The following NRP1 variants were observed in gnomAD, a reference collection of about 807,000 sequenced individuals.
NRP1 encodes the protein neuropilin-1.
Under a neutral mutation model 106.7 loss-of-function variants are expected in NRP1, and 35 were observed. The ratio of observed to expected loss-of-function variants is 0.33; its 90% CI spans 0.25 to 0.43. The LOEUF is 0.43. NRP1 is among the 20% of genes least tolerant of loss of function. The pLI is 1.00. For synonymous variants in NRP1, 437 were observed against 417.9 expected (o/e 1.05, Z -0.56); for missense variants, 1,024 against 1,170.4 (o/e 0.87, Z 1.83).
intron 6 of NRP1, among the ~76,000 whole-genome samples, chr10:33,246,467 A>G (rs1841432919): frequency 1.3e-5 from 2 of 152,196 alleles, no homozygotes; most frequent in Admixed American, 6.5e-5. Context: ...ATAGAAGTCA[A>G]TGCAGAATCA....
chr10:33,226,190 C>G lies in NRP1; in HGVS notation c.1081G>C (p.Asp361His), dbSNP rs756440174. Residue 361 changes from aspartate to histidine, a missense_variant, in exon 7 of 17, where the codon GAC (aspartate) becomes CAC (histidine). By Grantham distance (81) the Asp-to-His change is moderately conservative. Coordinates refer to ENST00000374867, the MANE Select transcript of NRP1 (RefSeq NM_003873.7). ...KKYYVKTYKI[D>H]VSSNGEDWIT... ...CAGTCTTCCCCGTTGGAGCTAACGT[C>G]GATCTTGTAAGTCTTGACATAATAT... 1 of 1,614,186 alleles carries G rather than the reference C, an allele frequency of 6.2e-7. No homozygotes were observed. The highest frequency in any genetic ancestry group is 1.7e-5 in the Admixed American group (1 of 60,020).
At chr10:33,266,696 T>C (rs2133266618) in intron 3 of NRP1, among the ~76,000 whole-genome samples, 1 of 152,118 alleles carries the variant, frequency 6.6e-6, no homozygotes, top group Non-Finnish European at 1.5e-5. Flanking sequence ...TCCCCAATGG[T>C]GGAGGTGGGG....
intron 13 of NRP1, among the ~76,000 whole-genome samples, chr10:33,187,829 C>T (rs551320184): frequency 8.2e-4 from 125 of 152,292 alleles, no homozygotes; most frequent in Admixed American, 4.2e-3. Flanking sequence ...TACTCCTTTC[C>T]GCTTGCCTGT....
At chr10:33,313,602 C>T (rs1846773234) in intron 2 of NRP1, among the ~76,000 whole-genome samples, 1 of 152,088 alleles carries the variant, frequency 6.6e-6, no homozygotes, top group South Asian at 2.1e-4. Context: ...GACAAAAGTG[C>T]TTAAAGAGAA....
Position 33,263,854 on chromosome 10 carries a change from G to T in NRP1, c.450C>A (p.Asn150Lys). ...IFKRGPECSQ[N>K]YTTPSGVIKS... ...TTATCACTCCACTAGGTGTTGTGTA[G>T]TTCTGGGAACATTCAGGACCTATGA... Residue 150 changes from asparagine to lysine, a missense_variant, in exon 4 of 17, where the codon AAC (asparagine) becomes AAA (lysine). Physicochemically the swap from Asn to Lys is moderately conservative, Grantham distance 94. This residue lies in a region of NRP1 where 279 missense variants were observed against 327.4 expected (regional missense o/e 0.85). Transcript: ENST00000374867. The T allele has an allele frequency of 6.8e-6, 11 of 1,612,082 alleles. No homozygotes were observed. The highest frequency in any genetic ancestry group is 9.3e-6 in the Non-Finnish European group (11 of 1,178,152).
At chr10:33,229,211 A>G (rs1403472202) in intron 6 of NRP1, among the ~76,000 whole-genome samples, 2 of 152,202 alleles carry the variant, frequency 1.3e-5, no homozygotes, top group Non-Finnish European at 2.9e-5. Flanking sequence ...TTCTGTATCT[A>G]TGTTATCTGA....
At chr10:33,290,561 A>T (rs1004432426) in intron 2 of NRP1, among the ~76,000 whole-genome samples, 8 of 152,138 alleles carry the variant, frequency 5.3e-5, no homozygotes, top group Admixed American at 3.9e-4. Flanking sequence ...TTTAAAGTCA[A>T]ACTCAGTGCC....
chr10:33,285,372 A>G (rs549367491), intron 2 of NRP1, among the ~76,000 whole-genome samples: 1 of 152,346 alleles, frequency 6.6e-6, no homozygotes, highest in Middle Eastern at 3.4e-3. Flanking sequence ...GAGTGGAACA[A>G]TATTTCAGAT....
intron 13 of NRP1, among the ~76,000 whole-genome samples, chr10:33,188,811 G>A (rs1280896242): frequency 6.6e-6 from 1 of 150,588 alleles, no homozygotes; most frequent in Admixed American, 6.6e-5. Context: ...TACTTAGGAG[G>A]CTGAGACAGG....
At chr10:33,180,595 G>A (rs913351056) in intron 16 of NRP1, among the ~76,000 whole-genome samples, 1 of 152,186 alleles carries the variant, frequency 6.6e-6, no homozygotes, top group Non-Finnish European at 1.5e-5. Context: ...GATCAACTGG[G>A]AGGTTCCTTG....
At chr10:33,188,339 C>T (rs1836155257) in intron 13 of NRP1, among the ~76,000 whole-genome samples, 1 of 152,104 alleles carries the variant, frequency 6.6e-6, no homozygotes, top group Non-Finnish European at 1.5e-5. Context: ...GGATGCTCTC[C>T]CATAGGACAT....
At chr10:33,333,770 T>C (rs1848439425) in intron 1 of NRP1, among the ~76,000 whole-genome samples, 1 of 152,212 alleles carries the variant, frequency 6.6e-6, no homozygotes, top group South Asian at 2.1e-4. Flanking sequence ...CAGATTCCTG[T>C]ATTGATACTA....
chr10:33,275,494 G>A (rs551537753), intron 2 of NRP1, among the ~76,000 whole-genome samples: 113 of 152,288 alleles, frequency 7.4e-4, no homozygotes, highest in Admixed American at 4.8e-3. Context: ...CTTGAACCTG[G>A]GAGGTGGAGG....
At chr10:33,302,843 GT>G (rs922048565) in intron 2 of NRP1, among the ~76,000 whole-genome samples, 2 of 152,162 alleles carry the variant, frequency 1.3e-5, no homozygotes, top group Non-Finnish European at 2.9e-5. Context: ...AAAAAGTTTA[GT>G]TTTATCCCCA....
chr10:33,288,252 G>T (rs970572989), intron 2 of NRP1: 4 of 152,120 alleles, frequency 2.6e-5, no homozygotes, highest in Non-Finnish European at 2.9e-5. Flanking sequence ...TCTGCCCCAA[G>T]TCCCTACCAG....
intron 2 of NRP1, among the ~76,000 whole-genome samples, chr10:33,290,393 AG>A (rs1039368996): frequency 6.9e-6 from 1 of 145,432 alleles, no homozygotes; most frequent in African/African-American, 2.6e-5. Flanking sequence ...CCAAGGCATG[AG>A]GGGATGACCG....
At chr10:33,242,536 C>A (rs1834016210) in intron 6 of NRP1, among the ~76,000 whole-genome samples, 1 of 152,136 alleles carries the variant, frequency 6.6e-6, no homozygotes, top group Non-Finnish European at 1.5e-5. Context: ...TGGAAAACTT[C>A]AAAAAATTCT....
At chr10:33,184,057 G>A (rs1835854887) in intron 15 of NRP1, among the ~76,000 whole-genome samples, 1 of 152,016 alleles carries the variant, frequency 6.6e-6, no homozygotes, top group East Asian at 1.9e-4. Context: ...TGTGGCCTAG[G>A]CTGGAGTGCA....
At chr10:33,268,169 T>C (rs971859586) in intron 3 of NRP1, among the ~76,000 whole-genome samples, 3 of 152,186 alleles carry the variant, frequency 2.0e-5, no homozygotes, top group African/African-American at 7.2e-5. Flanking sequence ...CATATATATA[T>C]GTTTTCATAA....
Sources: allele counts gnomAD v4.1 joint callset (sites outside exome capture counted in the v4.1 genomes callset), GRCh38; gene constraint gnomAD v4.1.1; regional missense constraint gnomAD v4.1.1; transcripts MANE v1.5; gene names NCBI Gene and HGNC (gene_info 2026-07-23, HGNC 2026-07-21).